FTO: variants seen among roughly 807,000 people sequenced by gnomAD.
FTO encodes FTO alpha-ketoglutarate dependent dioxygenase.
In FTO, 47 loss-of-function variants were observed where a neutral mutation model predicts 63.9. The ratio of observed to expected loss-of-function variants is 0.74; its 90% CI spans 0.58 to 0.94. FTO has a LOEUF of 0.94. Among genes scored for constraint, FTO ranks in the 40% least tolerant of loss-of-function variants. FTO has a pLI of 0.00. For missense variants in FTO, 562 were observed against 618.1 expected, an observed-to-expected ratio of 0.91 and a Z score of 0.96; for synonymous variants, 207 against 224.4, an observed-to-expected ratio of 0.92 and a Z score of 0.69.
chr16:53,898,599 G>A (rs2081330128), intron 7 of FTO, among the ~76,000 whole-genome samples: 2 of 152,140 alleles, frequency 1.3e-5, no homozygotes, highest in South Asian at 2.1e-4. Context: ...GGAGGTACTC[G>A]ACACATGTTT....
At chr16:53,849,530 G>A (rs1420465842) in intron 4 of FTO, among the ~76,000 whole-genome samples, 1 of 152,136 alleles carries the variant, frequency 6.6e-6, no homozygotes, top group Non-Finnish European at 1.5e-5. Context: ...TTGAGGGTGA[G>A]GAGAATTAAT....
chr16:53,752,280 G>A (rs2076816201), intron 1 of FTO, among the ~76,000 whole-genome samples: 2 of 152,144 alleles, frequency 1.3e-5, no homozygotes, highest in Admixed American at 6.5e-5. Flanking sequence ...ACCTCTTTGG[G>A]AGGCAAAGAT....
At chr16:53,793,051 A>G (rs1257853378) in intron 1 of FTO, among the ~76,000 whole-genome samples, 2 of 152,214 alleles carry the variant, frequency 1.3e-5, no homozygotes, top group Non-Finnish European at 2.9e-5. Context: ...CAAGGAAATT[A>G]TATTAGTAGT....
chr16:53,957,184 A>T (rs1169525763), intron 8 of FTO, among the ~76,000 whole-genome samples: 1 of 152,170 alleles, frequency 6.6e-6, no homozygotes, highest in African/African-American at 2.4e-5. Context: ...ACAGACGTGT[A>T]AACAGATGCA....
chr16:53,825,705 G>A (rs1039259452), intron 2 of FTO, among the ~76,000 whole-genome samples, 159 bp from the exon 3 acceptor site: 2 of 152,004 alleles, frequency 1.3e-5, no homozygotes, highest in African/African-American at 4.8e-5. Flanking sequence ...GTTTTATTTG[G>A]TTTTCTGTTT....
At chr16:53,965,653 A>G (rs1456404597) in intron 8 of FTO, 1 of 152,030 alleles carries the variant, frequency 6.6e-6, no homozygotes, top group Non-Finnish European at 1.5e-5. Flanking sequence ...TGTTCTCTTG[A>G]TTTATCTCAT....
chr16:53,910,488 A>G (rs755765547), intron 7 of FTO, among the ~76,000 whole-genome samples: 1 of 152,148 alleles, frequency 6.6e-6, no homozygotes, highest in Non-Finnish European at 1.5e-5. Flanking sequence ...GAGGTTCTGA[A>G]CCAGGGCAAT....
At chr16:53,796,851 G>A (rs1267699347) in intron 1 of FTO, among the ~76,000 whole-genome samples, 5 of 152,108 alleles carry the variant, frequency 3.3e-5, no homozygotes, top group East Asian at 1.9e-4. Flanking sequence ...TTTGACATAC[G>A]TATATACTGG....
chr16:53,984,839 CT>C, intron 8 of FTO: 1 of 429,616 alleles, frequency 2.3e-6, no homozygotes, highest in Non-Finnish European at 4.6e-6. Context: ...AATATTGATT[CT>C]TTTGGTGTCT....
At position 53,844,303 on chromosome 16, in the gene FTO, T is replaced by C; in HGVS notation, c.895+5T>C. 2 of 1,611,046 alleles carry C rather than the reference T, an allele frequency of 1.2e-6. No homozygotes were observed. The highest frequency in any genetic ancestry group is 1.7e-6 in the Non-Finnish European group (2 of 1,177,276). ...GAGACTGCTATTTCATGCTTGGTAATCTTTGGAAAATCAAAATTATATTGA... is the reference window on the plus strand; with the variant it reads ...GAGACTGCTATTTCATGCTTGGTAACCTTTGGAAAATCAAAATTATATTGA... On this transcript the variant is annotated splice_donor_5th_base_variant and intron_variant, in intron 4 of 8. Transcript: ENST00000471389.
At chr16:53,942,796 T>C (rs932638663) in intron 8 of FTO, among the ~76,000 whole-genome samples, 1 of 152,180 alleles carries the variant, frequency 6.6e-6, no homozygotes, top group African/African-American at 2.4e-5. Context: ...CAACCTGTGA[T>C]TGTGTCATCG....
chr16:53,904,954 T>C (rs1193461014), intron 7 of FTO, among the ~76,000 whole-genome samples: 1 of 152,026 alleles, frequency 6.6e-6, no homozygotes, highest in East Asian at 1.9e-4. Flanking sequence ...GAGTTTTATT[T>C]CAAGAAGACT....
chr16:53,970,863 G>A (rs1175706102), intron 8 of FTO, among the ~76,000 whole-genome samples: 9 of 152,126 alleles, frequency 5.9e-5, no homozygotes, highest in South Asian at 2.1e-4. Flanking sequence ...TGTACTTTAC[G>A]GGTTGCTAGT....
chr16:53,821,968 C>A (rs2078876017), intron 2 of FTO, among the ~76,000 whole-genome samples: 1 of 152,128 alleles, frequency 6.6e-6, no homozygotes, highest in Non-Finnish European at 1.5e-5. Flanking sequence ...CAGAGGGGTG[C>A]AGAGTATGCT....
At chr16:53,997,142 AAG>A (rs71380054) in intron 8 of FTO, among the ~76,000 whole-genome samples, 81,893 of 143,276 alleles carry the variant, frequency 0.57, 23,796 homozygotes, top group African/African-American at 0.69. Flanking sequence ...GAAGGAAAGA[AAG>A]AGAGAGAGAG....
At chr16:53,804,853 G>A (rs1008687995) in intron 1 of FTO, among the ~76,000 whole-genome samples, 1 of 152,034 alleles carries the variant, frequency 6.6e-6, no homozygotes, top group African/African-American at 2.4e-5. Flanking sequence ...GGCCTCAAGT[G>A]ATCCGTCTTC....
At chr16:53,829,453 T>C (rs539737452) in intron 3 of FTO, among the ~76,000 whole-genome samples, 1 of 152,392 alleles carries the variant, frequency 6.6e-6, no homozygotes, top group East Asian at 1.9e-4. Flanking sequence ...GTACAAAGCA[T>C]GTGCCTTGAA....
Position 53,873,838 on chromosome 16 carries a change from GT to G in FTO, c.951del (p.Phe317LeufsTer40). ...HCVLAGSQPRFSSTHRVAECS... is the reference protein window; with the variant it reads ...HCVLAGSQPRXSSTHRVAECS... The stretch of plus-strand genomic sequence containing the variant: ...GTGTTTTGGCCGGTTCACAACCTCG[GT>G]TTAGTTCCACCCACCGAGTGGCAGA... On this transcript the variant is annotated frameshift_variant, in exon 5 of 9. Transcript: ENST00000471389. LOFTEE classifies it high-confidence loss of function. 6.2e-7 allele frequency: 1 copy of G among 1,613,008 alleles called. No individual in the cohort carries two copies. Among genetic ancestry groups the G allele is most frequent in the Non-Finnish European group, 8.5e-7 (1 of 1,179,232 alleles).
At chr16:53,945,508 C>A (rs951033786) in intron 8 of FTO, among the ~76,000 whole-genome samples, 1 of 152,140 alleles carries the variant, frequency 6.6e-6, no homozygotes, top group African/African-American at 2.4e-5. Context: ...ATTTTAGAGA[C>A]CTTCTAGGAT....
Sources: allele counts gnomAD v4.1 joint callset (sites outside exome capture counted in the v4.1 genomes callset), GRCh38; gene constraint gnomAD v4.1.1; transcripts MANE v1.5; gene names NCBI Gene and HGNC (gene_info 2026-07-23, HGNC 2026-07-21).